The following SYCN variants were observed in gnomAD, a reference collection of about 807,000 sequenced individuals.
SYCN encodes the protein insulin synthesis associated 1.
Under a neutral mutation model 12.6 loss-of-function variants are expected in SYCN, and 16 were observed. That is an observed-to-expected ratio of 1.27 (90% CI 0.86 to 1.92). The LOEUF is 1.92. SYCN is among the 30% of genes most tolerant of loss of function. SYCN has a pLI of 0.00. For synonymous variants in SYCN, 97 were observed against 88.4 expected, an observed-to-expected ratio of 1.10 and a Z score of -0.55; for missense variants, 226 against 181.8, an observed-to-expected ratio of 1.24 and a Z score of -1.40.
chr19:39,202,848 T>C lies in SYCN; in HGVS notation c.*139A>G, dbSNP rs191932264. The C allele has an allele frequency of 6.0e-3, 4,906 of 820,096 alleles. 26 individuals carry two copies. Among genetic ancestry groups the C allele is most frequent in the Middle Eastern group, 8.1e-3 (25 of 3,102 alleles). 50.8% of individuals were successfully genotyped at this position (820,096 alleles called of 1,614,324 possible). ...CAGACGGGGACAACTGCACAAAGGCTGTATTGCAGGGGAGGTGGGAGGGGG... is the reference window on the plus strand; with the variant it reads ...CAGACGGGGACAACTGCACAAAGGCCGTATTGCAGGGGAGGTGGGAGGGGG... On this transcript the variant is annotated 3_prime_UTR_variant, in exon 2 of 2. Coordinates refer to ENST00000318438, the MANE Select transcript of SYCN (RefSeq NM_001080468.4).
rs774470604 is a variant in SYCN, at chr19:39,204,133, A to G, written c.122T>C (p.Leu41Pro). 2.7e-5 allele frequency: 44 copies of G among 1,612,798 alleles called. No homozygotes were observed. The highest frequency in any genetic ancestry group is 3.2e-5 in the Non-Finnish European group (38 of 1,179,722). Residue 41 changes from leucine to proline, a missense_variant, in exon 1 of 2, where the codon CTC becomes CCC. Transcript: ENST00000318438. ...HSDGTRTCAK[L>P]YDKSDPYYEN... ...ATAGTAGGGGTCGCTCTTGTCATAG[A>G]GCTTGGCGCAAGTGCGCGTCCCGTC...
Position 39,202,895 on chromosome 19 carries a change from TG to T in SYCN, c.*91del. On this transcript the variant is annotated 3_prime_UTR_variant, in exon 2 of 2. Transcript: ENST00000318438. ...GGGGCAGGCAGAACGCTCCTCCTCC[TG>T]GGTCTTGGGGCCCCGGAGCAGAGCC... 6.9e-7 allele frequency: 1 copy of T among 1,451,330 alleles called. No homozygotes were observed. The highest frequency in any genetic ancestry group is 9.4e-7 in the Non-Finnish European group (1 of 1,065,456). The allele number at this position is 1,451,330 out of a possible 1,614,324, so 89.9% of individuals were successfully genotyped here. A position where few individuals can be genotyped will look rare whatever the true frequency, so the allele number is the denominator to read the frequency against.
At chr19:39,203,049 G>T in intron 1 of SYCN, 53 bp from the exon 2 acceptor site, 1 of 1,551,242 alleles carries the variant, frequency 6.4e-7, no homozygotes, top group East Asian at 2.4e-5. Context: ...CCAGAGTCTG[G>T]TGAGTTCTAG....
chr19:39,203,145 C>T, intron 1 of SYCN, 149 bp from the exon 2 acceptor site: 1 of 774,370 alleles, frequency 1.3e-6, no homozygotes, highest in South Asian at 1.6e-5. Context: ...GAGTTTGGAG[C>T]TGGGGGCTCC....
Position 39,203,902 on chromosome 19 carries a change from A to G in SYCN, c.353T>C (p.Ile118Thr). 6.2e-7 allele frequency: 1 copy of G among 1,611,536 alleles called. No homozygotes were observed. Among genetic ancestry groups the G allele is most frequent in the Non-Finnish European group, 8.5e-7 (1 of 1,178,840 alleles). The change falls in exon 1 of 2, where the codon ATC becomes ACC. Residue 118 changes from isoleucine (I) to threonine (T), a missense_variant. Coordinates refer to ENST00000318438, the MANE Select transcript of SYCN (RefSeq NM_001080468.4). Reference sequence around the variant, plus strand: ...GATAGCGTTGGACCAGTCTCCTAAGATGCCCCGGCGGTACTCCTCCAGGCG... The same window carrying G: ...GATAGCGTTGGACCAGTCTCCTAAGGTGCCCCGGCGGTACTCCTCCAGGCG... ...YPRLEEYRRG[I>T]LGDWSNAISA...
chr19:39,203,901 G>A lies in SYCN; in HGVS notation c.354C>T (p.Ile118=). 1 of 1,611,540 alleles carries A rather than the reference G, an allele frequency of 6.2e-7. No homozygotes were observed. Among genetic ancestry groups the A allele is most frequent in the Non-Finnish European group, 8.5e-7 (1 of 1,178,812 alleles). The change falls in exon 1 of 2, where the codon ATC becomes ATT. Residue 118 remains isoleucine, a synonymous_variant. Coordinates refer to ENST00000318438, the MANE Select transcript of SYCN (RefSeq NM_001080468.4). ...AGATAGCGTTGGACCAGTCTCCTAAGATGCCCCGGCGGTACTCCTCCAGGC... is the reference window on the plus strand; with the variant it reads ...AGATAGCGTTGGACCAGTCTCCTAAAATGCCCCGGCGGTACTCCTCCAGGC... The part of the protein sequence containing the change: ...YPRLEEYRRG[I]LGDWSNAISA...
In SYCN at chr19:39,204,246, C is replaced by A; in HGVS notation, c.9G>T (p.Pro3=). 1.3e-6 allele frequency: 2 copies of A among 1,565,924 alleles called. No homozygotes were observed. Among genetic ancestry groups the A allele is most frequent in the Non-Finnish European group, 1.7e-6 (2 of 1,161,940 alleles). Residue 3 remains proline (P), a synonymous_variant, in exon 1 of 2, where the codon CCG becomes CCT. Transcript: ENST00000318438. MS[P]LRPLLLALAL... ...CCAGGGCCAGCAGCAGCGGGCGCAG[C>A]GGGGACATGGTGGCAGTGCCCTGCC... is the stretch of plus-strand genomic sequence containing the variant.
intron 1 of SYCN, 137 bp from the exon 2 acceptor site, chr19:39,203,133 G>A (rs2074795431): frequency 3.2e-6 from 3 of 930,156 alleles, no homozygotes; most frequent in African/African-American, 1.7e-5. Flanking sequence ...ATCCTAGCCT[G>A]GGAGTTTGGA....
chr19:39,203,788 G>A lies in SYCN; in HGVS notation c.395+72C>T. On this transcript the variant is annotated intron_variant, in intron 1 of 1. Transcript: ENST00000318438. ...GTGGAGCAGCCTCGGGGCTTGGGTGGTGGGTGTGGGGGCTTATGCGGAGCT... is the reference window on the plus strand; with the variant it reads ...GTGGAGCAGCCTCGGGGCTTGGGTGATGGGTGTGGGGGCTTATGCGGAGCT... 8 of 1,482,714 alleles carry A rather than the reference G, an allele frequency of 5.4e-6. No homozygotes were observed. The South Asian group carries it at 1.1e-4, about 21-fold the overall frequency. The allele number at this position is 1,482,714 out of a possible 1,614,324, so 91.8% of individuals were successfully genotyped here. A position where few individuals can be genotyped will look rare whatever the true frequency, so the allele number is the denominator to read the frequency against.
rs1392714304 is a variant in SYCN at position 39,202,967 on chromosome 19, G to T, written c.*20C>A. On this transcript the variant is annotated 3_prime_UTR_variant, in exon 2 of 2. Transcript: ENST00000318438. The stretch of plus-strand genomic sequence containing the variant: ...GGCTTGGCACTCTGTGGAAGCTGCA[G>T]ATGAGAGACCAGCAATGCATCAGCT... 7.6e-6 allele frequency: 12 copies of T among 1,580,804 alleles called. No homozygotes were observed. The Admixed American group carries it at 2.0e-4, about 26-fold the overall frequency.
rs751011592 is a variant in SYCN at position 39,204,241 on chromosome 19, C to T, written c.14G>A (p.Arg5His). 3 of 1,572,920 alleles carry T rather than the reference C, an allele frequency of 1.9e-6. No homozygotes were observed. Among genetic ancestry groups the T allele is most frequent in the Non-Finnish European group, 2.6e-6 (3 of 1,164,752 alleles). Reference sequence around the variant, plus strand: ...AAGGGCCAGGGCCAGCAGCAGCGGGCGCAGCGGGGACATGGTGGCAGTGCC... The same window carrying T: ...AAGGGCCAGGGCCAGCAGCAGCGGGTGCAGCGGGGACATGGTGGCAGTGCC... Reference protein sequence around the residue: MSPLRPLLLALALAS... With the variant: MSPLHPLLLALALAS... Residue 5 changes from arginine to histidine, a missense_variant, in exon 1 of 2, where the codon CGC (arginine) becomes CAC (histidine). Transcript: ENST00000318438.
intron 1 of SYCN, 23 bp downstream of exon 1, chr19:39,203,837 C>T (rs2074798290): frequency 6.4e-7 from 1 of 1,561,716 alleles, no homozygotes; most frequent in Non-Finnish European, 8.7e-7. Context: ...GGGGTGGGCT[C>T]GGAGCTTTGG....
Position 39,202,827 on chromosome 19 carries a change from C to G in SYCN, c.*160G>C, listed in dbSNP as rs561006588. ...ATCCCAGGGACAAGCAGATGACAGA[C>G]GGGGACAACTGCACAAAGGCTGTAT... On this transcript the variant is annotated 3_prime_UTR_variant, in exon 2 of 2. Transcript: ENST00000318438. 1.4e-6 allele frequency: 1 copy of G among 721,388 alleles called. No individual in the cohort carries two copies. The allele number at this position is 721,388 out of a possible 1,614,324, so 44.7% of individuals were successfully genotyped here.
Position 39,204,186 on chromosome 19 carries a change from G to A in SYCN, c.69C>T (p.Cys23=). 6.2e-7 allele frequency: 1 copy of A among 1,610,848 alleles called. No homozygotes were observed. Among genetic ancestry groups the A allele is most frequent in the Non-Finnish European group, 8.5e-7 (1 of 1,179,378 alleles). ...AGTGCTTGAGGTCGGCGGAGGCGGG[G>A]CAGGCGCCCTGGGCGCAAGGCACGG... The part of the protein sequence containing the change: ...LASVPCAQGA[C]PASADLKHSD... Residue 23 remains cysteine, a synonymous_variant, in exon 1 of 2, where the codon TGC becomes TGT. Coordinates refer to ENST00000318438, the MANE Select transcript of SYCN (RefSeq NM_001080468.4).
intron 1 of SYCN, among the ~76,000 whole-genome samples, chr19:39,203,227 G>A (rs1274255886): frequency 2.6e-5 from 4 of 151,948 alleles, no homozygotes; most frequent in Non-Finnish European, 5.9e-5. Context: ...TAGGTCCCAG[G>A]TCTGTGAGTG....
rs374430683 is a variant in SYCN at position 39,204,067 on chromosome 19, C to T, written c.188G>A (p.Gly63Asp). The T allele has an allele frequency of 1.8e-5, 29 of 1,612,804 alleles. No individual in the cohort carries two copies. The African/African-American group carries it at 3.3e-4, about 19-fold the overall frequency. ...GGAGGGCAGGTAGGGCAGGTCTGCGCCCGACTCCAGCGACAGCTCGGCGCC... is the reference window on the plus strand; with the variant it reads ...GGAGGGCAGGTAGGGCAGGTCTGCGTCCGACTCCAGCGACAGCTCGGCGCC... ...CGGAELSLES[G>D]ADLPYLPSNW... The change falls in exon 1 of 2, where the codon GGC becomes GAC. Residue 63 changes from glycine to aspartate, a missense_variant. Transcript: ENST00000318438.
chr19:39,203,554 G>A (rs2074797020), intron 1 of SYCN, among the ~76,000 whole-genome samples: 1 of 152,084 alleles, frequency 6.6e-6, no homozygotes, highest in Non-Finnish European at 1.5e-5. Flanking sequence ...GTAGGCGGAA[G>A]ATTCCAGAAG....
chr19:39,203,473 AG>A (rs959392853), intron 1 of SYCN, among the ~76,000 whole-genome samples: 1 of 150,760 alleles, frequency 6.6e-6, no homozygotes, highest in Non-Finnish European at 1.5e-5. Context: ...CTCCAGGGTG[AG>A]GGGGTCTAGG....
Position 39,203,880 on chromosome 19 carries a change from A to G in SYCN, c.375T>C (p.Ala125=), listed in dbSNP as rs1291481893. The change falls in exon 1 of 2, where the codon GCT becomes GCC. Residue 125 remains alanine, a synonymous_variant. Transcript: ENST00000318438. ...RRGILGDWSN[A]ISALYCRCS is the part of the protein sequence containing the mutation. ...GGCACCTGCAGTAGAGCGCGGAGAT[A>G]GCGTTGGACCAGTCTCCTAAGATGC... 8 of 1,601,912 alleles carry G rather than the reference A, an allele frequency of 5.0e-6. No individual in the cohort carries two copies. The highest frequency in any genetic ancestry group is 6.8e-6 in the Non-Finnish European group (8 of 1,172,278).
Sources: allele counts gnomAD v4.1 joint callset (sites outside exome capture counted in the v4.1 genomes callset), GRCh38; gene constraint gnomAD v4.1.1; transcripts MANE v1.5; gene names NCBI Gene and HGNC (gene_info 2026-07-23, HGNC 2026-07-21).